Variants in PCDH9 observed in about 807,000 individuals in gnomAD.
PCDH9 encodes protocadherin 9, also known as protocadherin-9.
A neutral mutation model predicts 70.6 loss-of-function variants in PCDH9; 24 were observed. The ratio of observed to expected loss-of-function variants is 0.34; its 90% CI spans 0.25 to 0.48. The LOEUF (loss-of-function observed/expected upper bound fraction) is 0.48. Ranked by LOEUF, PCDH9 falls within the 20% of genes least tolerant of loss-of-function variation. The probability of loss-of-function intolerance (pLI) is 0.99; values close to 1 mark genes in which losing one functional copy is unlikely to be tolerated. For synonymous variants in PCDH9, 562 were observed against 558.5 expected, an observed-to-expected ratio of 1.01 and a Z score of -0.09; for missense variants, 1,281 against 1,503.6, an observed-to-expected ratio of 0.85 and a Z score of 2.45.
chr13:67,110,214 C>A (rs200852697), intron 2 of PCDH9, among the ~76,000 whole-genome samples: 5 of 148,382 alleles, frequency 3.4e-5, no homozygotes, highest in African/African-American at 5.0e-5. Context: ...AAAAAAAAAA[C>A]AAAAAACAAA....
chr13:66,819,660 C>G (rs552129910), intron 3 of PCDH9, among the ~76,000 whole-genome samples: 1 of 152,012 alleles, frequency 6.6e-6, no homozygotes, highest in Non-Finnish European at 1.5e-5. Flanking sequence ...GAAGCTTAGG[C>G]GAGAGGACTG....
At chr13:66,310,375 T>G (rs1955541868) in intron 4 of PCDH9, among the ~76,000 whole-genome samples, 1 of 152,066 alleles carries the variant, frequency 6.6e-6, no homozygotes, top group Admixed American at 6.6e-5. Context: ...CTTTAAAAGA[T>G]GCAAGTTTAA....
chr13:67,056,041 C>G (rs1481257856), intron 2 of PCDH9, among the ~76,000 whole-genome samples: 1 of 151,942 alleles, frequency 6.6e-6, no homozygotes, highest in Non-Finnish European at 1.5e-5. Flanking sequence ...AGACAACATG[C>G]AAAAATGTAT....
At chr13:66,491,145 T>C (rs927726141) in intron 4 of PCDH9, among the ~76,000 whole-genome samples, 3 of 152,178 alleles carry the variant, frequency 2.0e-5, no homozygotes, top group South Asian at 2.1e-4. Context: ...GGCACTTCTT[T>C]TGCCTCCCCT....
chr13:66,802,605 G>C (rs746252921), intron 3 of PCDH9, among the ~76,000 whole-genome samples: 45 of 151,722 alleles, frequency 3.0e-4, no homozygotes, highest in Non-Finnish European at 5.6e-4. Flanking sequence ...ACTTCAATAG[G>C]GTGCTGTAAA....
At chr13:66,662,415 G>A (rs185352456) in intron 3 of PCDH9, among the ~76,000 whole-genome samples, 21 of 151,942 alleles carry the variant, frequency 1.4e-4, no homozygotes, top group Admixed American at 4.6e-4. Context: ...AGAGGTTTCC[G>A]TGAGCTGAGA....
intron 3 of PCDH9, among the ~76,000 whole-genome samples, chr13:66,875,816 A>T (rs1406078070): frequency 6.6e-6 from 1 of 152,192 alleles, no homozygotes; most frequent in African/African-American, 2.4e-5. Context: ...ACTGGAATGT[A>T]TAGATTATTA....
chr13:66,866,617 C>T (rs1168296249), intron 3 of PCDH9, among the ~76,000 whole-genome samples: 4 of 151,698 alleles, frequency 2.6e-5, no homozygotes, highest in African/African-American at 7.3e-5. Context: ...GCCACTATGG[C>T]GAAACCCCAT....
chr13:67,130,446 G>T (rs1049961656), intron 2 of PCDH9, among the ~76,000 whole-genome samples: 4 of 151,900 alleles, frequency 2.6e-5, no homozygotes, highest in African/African-American at 7.3e-5. Context: ...TCTAAAAAAG[G>T]TATTGTTAGT....
intron 3 of PCDH9, among the ~76,000 whole-genome samples, chr13:66,892,704 A>G (rs2082115733): frequency 1.3e-5 from 2 of 152,122 alleles, no homozygotes; most frequent in African/African-American, 2.4e-5. Flanking sequence ...GCTGTGTAAG[A>G]AAGTCTTTGG....
At chr13:66,875,006 G>A (rs1034109122) in intron 3 of PCDH9, among the ~76,000 whole-genome samples, 2 of 151,196 alleles carry the variant, frequency 1.3e-5, no homozygotes, top group Non-Finnish European at 2.9e-5. Context: ...GAGATAATGA[G>A]AAGTTATCAG....
intron 4 of PCDH9, among the ~76,000 whole-genome samples, chr13:66,318,245 C>T (rs912912814): frequency 3.3e-5 from 5 of 152,136 alleles, no homozygotes; most frequent in African/African-American, 1.2e-4. Flanking sequence ...TTTATAACAT[C>T]TATATACATT....
At chr13:66,652,502 T>A (rs1293117001) in intron 3 of PCDH9, among the ~76,000 whole-genome samples, 1 of 151,922 alleles carries the variant, frequency 6.6e-6, no homozygotes, top group Non-Finnish European at 1.5e-5. Flanking sequence ...AAAGGAAAGA[T>A]ATCTATGTTC....
At chr13:67,048,430 G>A (rs2085263512) in intron 2 of PCDH9, among the ~76,000 whole-genome samples, 1 of 152,144 alleles carries the variant, frequency 6.6e-6, no homozygotes, top group Non-Finnish European at 1.5e-5. Context: ...TGTCAAGAGT[G>A]AAGGGGAATA....
At chr13:66,946,533 T>C (rs2083090623) in intron 2 of PCDH9, among the ~76,000 whole-genome samples, 1 of 152,044 alleles carries the variant, frequency 6.6e-6, no homozygotes, top group African/African-American at 2.4e-5. Context: ...TTATAGTATA[T>C]ACAAAAATGG....
chr13:67,023,430 T>G (rs942312331), intron 2 of PCDH9, among the ~76,000 whole-genome samples: 3 of 152,186 alleles, frequency 2.0e-5, no homozygotes, highest in Admixed American at 6.5e-5. Context: ...GGCAACATAA[T>G]CAACTTCCAG....
At chr13:66,763,673 G>A (rs1413959277) in intron 3 of PCDH9, among the ~76,000 whole-genome samples, 1 of 152,098 alleles carries the variant, frequency 6.6e-6, no homozygotes, top group African/African-American at 2.4e-5. Context: ...CTACAGAGTA[G>A]AAGTCATGTG....
Position 66,730,874 on chromosome 13 carries a change from G to GTTTTT in PCDH9, c.3139-99464_3139-99463insAAAAA, listed in dbSNP as rs1566154009. 3.1e-4 allele frequency among the ~76,000 whole-genome samples: 7 copies of GTTTTT among 22,716 alleles called. 1 individual carries two copies. Among genetic ancestry groups the GTTTTT allele is most frequent in the African/African-American group, 3.9e-4 (3 of 7,682 alleles). 14.9% of individuals were successfully genotyped at this position (22,716 alleles called of 152,430 possible). A position where few individuals can be genotyped will look rare whatever the true frequency, so the allele number is the denominator to read the frequency against. On this transcript the variant is annotated intron_variant, in intron 3 of 4. Coordinates refer to ENST00000377865, the MANE Select transcript of PCDH9 (RefSeq NM_203487.3). ...TTTGTTTTTGTTTTTTTGTGTGTGT[G>GTTTTT]TGTTTTTTTTTTGTTTGTTTCTTTT...
At chr13:66,669,785 C>A (rs138976969) in intron 3 of PCDH9, among the ~76,000 whole-genome samples, 30 of 152,134 alleles carry the variant, frequency 2.0e-4, no homozygotes, top group African/African-American at 7.2e-4. Flanking sequence ...TTTCATTCCA[C>A]GGTGGGAAAA....
Sources: gnomAD v4.1 joint callset for allele counts (sites outside exome capture counted in the v4.1 genomes callset) on GRCh38, gnomAD v4.1.1 for gene constraint, MANE v1.5 for transcripts, NCBI Gene and HGNC (gene_info 2026-07-23, HGNC 2026-07-21) for gene names.